Variants in FOXK1 observed in about 807,000 individuals in gnomAD.
FOXK1 encodes forkhead box protein K1.
Under a neutral mutation model 51.9 loss-of-function variants are expected in FOXK1, and 19 were observed. The observed-to-expected ratio is 0.37, with a 90% CI of 0.26 to 0.54. The LOEUF (loss-of-function observed/expected upper bound fraction) is 0.54. Among genes scored for constraint, FOXK1 ranks in the 20% least tolerant of loss-of-function variants. The pLI is 0.87. For synonymous variants in FOXK1, 537 were observed against 482.6 expected (o/e 1.11, Z -1.48); for missense variants, 870 against 1,032.7 (o/e 0.84, Z 2.16).
rs1269983014 is a variant in FOXK1, at chr7:4,730,892, C to T, written c.561-9946C>T. The stretch of plus-strand genomic sequence containing the variant: ...TTCAAAACCATTTCCTGAGGATGGG[C>T]GCGGTGGCTCACTCCTGCAATCCCA... On this transcript the variant is annotated intron_variant, in intron 1 of 8. Transcript: ENST00000328914. This position sits in a 1 kb window ranked among gnomAD's most constrained non-coding sequence, Gnocchi z 4.7. Among the ~76,000 whole-genome samples, 3 of 152,264 alleles carry T rather than the reference C, an allele frequency of 2.0e-5. No individual in the cohort carries two copies. The highest frequency in any genetic ancestry group is 1.9e-4 in the East Asian group (1 of 5,186).
rs138626434 is a variant in FOXK1 at position 4,715,019 on chromosome 7, A to G, written c.561-25819A>G. On this transcript the variant is annotated intron_variant, in intron 1 of 8. Coordinates refer to ENST00000328914, the MANE Select transcript of FOXK1 (RefSeq NM_001037165.2). This position sits in a 1 kb window ranked among gnomAD's most constrained non-coding sequence, Gnocchi z 4.5. ...TGGTACAGAACAGAAGCCACACACC[A>G]GCGACAATCAGAGGTTACATAGGCT... Among the ~76,000 whole-genome samples, 1 of 152,324 alleles carries G rather than the reference A, an allele frequency of 6.6e-6. No homozygotes were observed. The highest frequency in any genetic ancestry group is 1.9e-4 in the East Asian group (1 of 5,184).
rs112924495 is a variant in FOXK1, at chr7:4,756,687, C to T, written c.1051-307C>T. On this transcript the variant is annotated intron_variant, in intron 4 of 8. Transcript: ENST00000328914. The surrounding 1 kb of genome is among the most constrained non-coding windows in gnomAD (Gnocchi z 4.1). ...GGCTGAGGCAGGAGAATCCCTTGAA[C>T]CCGGGAGGCGGAACTTGCAGTGAGC... 1.4e-3 allele frequency among the ~76,000 whole-genome samples: 217 copies of T among 151,930 alleles called. No homozygotes were observed. Among genetic ancestry groups the T allele is most frequent in the African/African-American group, 4.8e-3 (198 of 41,472 alleles).
rs1780225966 is a variant in FOXK1 at position 4,715,779 on chromosome 7, AAGAGC to A, written c.561-25058_561-25054del. Reference sequence around the variant, plus strand: ...AGGTTCCCTCACAGCGAATCCACCGAAGAGCGCTCCCATCCACAGCCGGCTCTTTG... The same window carrying A: ...AGGTTCCCTCACAGCGAATCCACCGAGCTCCCATCCACAGCCGGCTCTTTG... On this transcript the variant is annotated intron_variant, in intron 1 of 8. Coordinates refer to ENST00000328914, the MANE Select transcript of FOXK1 (RefSeq NM_001037165.2). The surrounding 1 kb of genome is among the most constrained non-coding windows in gnomAD (Gnocchi z 4.5). Among the ~76,000 whole-genome samples, 1 of 152,162 alleles carries A rather than the reference AAGAGC, an allele frequency of 6.6e-6. No individual in the cohort carries two copies. The highest frequency in any genetic ancestry group is 2.4e-5 in the African/African-American group (1 of 41,436).
rs1780982316 is a variant in FOXK1 at position 4,764,497 on chromosome 7, C to G, written c.*2033C>G. ...TGCGCCCCGTTCCACACTTGTGTCG[C>G]CTGCTGTTGTCTGTGGGCCTTTTCT... On this transcript the variant is annotated 3_prime_UTR_variant, in exon 9 of 9. Coordinates refer to ENST00000328914, the MANE Select transcript of FOXK1 (RefSeq NM_001037165.2). 1 of 154,178 alleles carries G rather than the reference C, an allele frequency of 6.5e-6. No individual in the cohort carries two copies. Among genetic ancestry groups the G allele is most frequent in the South Asian group, 2.0e-4 (1 of 4,914 alleles). The allele number at this position is 154,178 out of a possible 1,614,324, so 9.6% of individuals were successfully genotyped here.
intron 1 of FOXK1, among the ~76,000 whole-genome samples, chr7:4,687,332 G>T (rs1449338066): frequency 1.3e-5 from 2 of 150,116 alleles, no homozygotes; most frequent in Admixed American, 6.6e-5. Context: ...TCACTCTGTT[G>T]CCCGGGCTGG....
In FOXK1 at chr7:4,683,794, C is replaced by G. The variant is rs1217414900; in HGVS notation, c.560+926C>G. ...GTCCTGGGGGACCCCAACACACTCA[C>G]CCAGGACAGTGGGAGGGTGTTGCTC... On this transcript the variant is annotated intron_variant, in intron 1 of 8. Coordinates refer to ENST00000328914, the MANE Select transcript of FOXK1 (RefSeq NM_001037165.2). This position sits in a 1 kb window ranked among gnomAD's most constrained non-coding sequence, Gnocchi z 4.5. Among the ~76,000 whole-genome samples, 1 of 152,210 alleles carries G rather than the reference C, an allele frequency of 6.6e-6. No individual in the cohort carries two copies. The highest frequency in any genetic ancestry group is 1.5e-5 in the Non-Finnish European group (1 of 68,028).
chr7:4,749,755 C>T lies in FOXK1; in HGVS notation c.747-4704C>T, dbSNP rs375835612. 4.6e-5 allele frequency among the ~76,000 whole-genome samples: 7 copies of T among 152,194 alleles called. No individual in the cohort carries two copies. Among genetic ancestry groups the T allele is most frequent in the East Asian group, 1.9e-4 (1 of 5,192 alleles). ...GGCATTGAGGGTGGACTGGAAGGAC[C>T]GCAGCCCTGTGCCCTGGGGAAGGCT... On this transcript the variant is annotated intron_variant, in intron 2 of 8. Transcript: ENST00000328914. The surrounding 1 kb of genome is among the most constrained non-coding windows in gnomAD (Gnocchi z 6.0).
intron 1 of FOXK1, among the ~76,000 whole-genome samples, chr7:4,685,368 C>T (rs1251957699): frequency 2.3e-4 from 35 of 151,548 alleles, no homozygotes; most frequent in Admixed American, 2.3e-3. Flanking sequence ...GCGCACAACA[C>T]CACGCCCAGC....
rs961781468 is a variant in FOXK1, at chr7:4,722,364, C to G, written c.561-18474C>G. ...ATTGTTGCCTCTTATGTACTTTGGTCGTTCGTATTTCCTAGGCTTAAAACC... is the reference window on the plus strand; with the variant it reads ...ATTGTTGCCTCTTATGTACTTTGGTGGTTCGTATTTCCTAGGCTTAAAACC... On this transcript the variant is annotated intron_variant, in intron 1 of 8. Coordinates refer to ENST00000328914, the MANE Select transcript of FOXK1 (RefSeq NM_001037165.2). This position sits in a 1 kb window ranked among gnomAD's most constrained non-coding sequence, Gnocchi z 5.1. Among the ~76,000 whole-genome samples, 7 of 152,220 alleles carry G rather than the reference C, an allele frequency of 4.6e-5. No individual in the cohort carries two copies. The highest frequency in any genetic ancestry group is 8.8e-5 in the Non-Finnish European group (6 of 68,046).
rs1272509016 is a variant in FOXK1 at position 4,759,368 on chromosome 7, T to TCGTGGCCAAGCC, written c.1477_1488dup (p.Lys493_Ala496dup). 5.6e-6 allele frequency: 9 copies of TCGTGGCCAAGCC among 1,602,476 alleles called. No homozygotes were observed. The highest frequency in any genetic ancestry group is 7.6e-6 in the Non-Finnish European group (9 of 1,179,312). On this transcript the variant is annotated inframe_insertion, in exon 7 of 9. Transcript: ENST00000328914. ...GCCGTGCCTCCCCGACCGTCCAGCCTCGTGGCCAAGCCCGTGGCCTACATG... is the reference window on the plus strand; with the variant it reads ...GCCGTGCCTCCCCGACCGTCCAGCCTCGTGGCCAAGCCCGTGGCCAAGCCCGTGGCCTACATG...
At chr7:4,692,891 A>G (rs1182558861) in intron 1 of FOXK1, among the ~76,000 whole-genome samples, 1 of 151,940 alleles carries the variant, frequency 6.6e-6, no homozygotes, top group African/African-American at 2.4e-5. Context: ...CAGACCAGCT[A>G]ATTTCTTTTA....
chr7:4,734,480 C>G lies in FOXK1; in HGVS notation c.561-6358C>G, dbSNP rs1214254254. 6.6e-6 allele frequency among the ~76,000 whole-genome samples: 1 copy of G among 152,208 alleles called. No individual in the cohort carries two copies. Among genetic ancestry groups the G allele is most frequent in the Non-Finnish European group, 1.5e-5 (1 of 68,032 alleles). On this transcript the variant is annotated intron_variant, in intron 1 of 8. Coordinates refer to ENST00000328914, the MANE Select transcript of FOXK1 (RefSeq NM_001037165.2). This position sits in a 1 kb window ranked among gnomAD's most constrained non-coding sequence, Gnocchi z 5.2. ...GTCTGCTTCCTCCTTGCCCCTCAAA[C>G]TCCTTTGCCTCAGTCCCTGTCTTCC...
At position 4,730,017 on chromosome 7, in the gene FOXK1, A is replaced by C. The variant is rs1369634690; in HGVS notation, c.561-10821A>C. 2.0e-5 allele frequency among the ~76,000 whole-genome samples: 3 copies of C among 152,148 alleles called. No individual in the cohort carries two copies. Among genetic ancestry groups the C allele is most frequent in the Non-Finnish European group, 4.4e-5 (3 of 68,022 alleles). On this transcript the variant is annotated intron_variant, in intron 1 of 8. Coordinates refer to ENST00000328914, the MANE Select transcript of FOXK1 (RefSeq NM_001037165.2). The surrounding 1 kb of genome is among the most constrained non-coding windows in gnomAD (Gnocchi z 4.7). ...CAATTTAAATAAAAAAAAGAAAAGG[A>C]AAAAGAAAGCCCGGCTTCGGTCAGA...
At position 4,768,118 on chromosome 7, in the gene FOXK1, CTTCTTTT is replaced by C. The variant is rs1781041500; in HGVS notation, c.*5657_*5663del. The C allele has an allele frequency of 8.8e-6, 1 of 113,298 alleles. No individual in the cohort carries two copies. Among genetic ancestry groups the C allele is most frequent in the African/African-American group, 4.0e-5 (1 of 25,274 alleles). The allele number at this position is 113,298 out of a possible 1,614,324, so 7.0% of individuals were successfully genotyped here. The stretch of plus-strand genomic sequence containing the variant: ...TTTAAAAACAGACCCATTTCACTGA[CTTCTTTT>C]TTTTTTTTTTTTTTTTTTTTTTTTT... On this transcript the variant is annotated 3_prime_UTR_variant, in exon 9 of 9. Transcript: ENST00000328914.
chr7:4,742,683 C>CT (rs1583205200), intron 2 of FOXK1, among the ~76,000 whole-genome samples: 1 of 152,190 alleles, frequency 6.6e-6, no homozygotes, highest in Non-Finnish European at 1.5e-5. Context: ...TCCCAAAGTG[C>CT]TGAGGTTACA....
Position 4,766,249 on chromosome 7 carries a change from C to A in FOXK1, c.*3785C>A, listed in dbSNP as rs1397362726. ...CGAGTGTGGCCTCATGGTTCTGCCG[C>A]GGCCCAGTCTTCTCCCACTGGCTTC... is the stretch of plus-strand genomic sequence containing the variant. On this transcript the variant is annotated 3_prime_UTR_variant, in exon 9 of 9. Transcript: ENST00000328914. The surrounding 1 kb of genome is among the most constrained non-coding windows in gnomAD (Gnocchi z 5.5). The A allele has an allele frequency of 6.6e-6, 1 of 152,222 alleles. No individual in the cohort carries two copies. The highest frequency in any genetic ancestry group is 2.4e-5 in the African/African-American group (1 of 41,438). The allele number at this position is 152,222 out of a possible 1,614,324, so 9.4% of individuals were successfully genotyped here.
In FOXK1 at chr7:4,683,989, C is replaced by A. The variant is rs1011746548; in HGVS notation, c.560+1121C>A. Among the ~76,000 whole-genome samples, 2 of 152,134 alleles carry A rather than the reference C, an allele frequency of 1.3e-5. No homozygotes were observed. The highest frequency in any genetic ancestry group is 1.5e-5 in the Non-Finnish European group (1 of 68,030). Reference sequence around the variant, plus strand: ...TTAGATTCCCCCGGGCCCGAGGTCACCAGGGCAGAGAGACCCAGCTGGGCC... The same window carrying A: ...TTAGATTCCCCCGGGCCCGAGGTCAACAGGGCAGAGAGACCCAGCTGGGCC... On this transcript the variant is annotated intron_variant, in intron 1 of 8. Transcript: ENST00000328914. The surrounding 1 kb of genome is among the most constrained non-coding windows in gnomAD (Gnocchi z 4.5).
In FOXK1 at chr7:4,749,724, GC is replaced by G. The variant is rs1418799469; in HGVS notation, c.747-4733del. Among the ~76,000 whole-genome samples, 1 of 152,238 alleles carries G rather than the reference GC, an allele frequency of 6.6e-6. No homozygotes were observed. Among genetic ancestry groups the G allele is most frequent in the Non-Finnish European group, 1.5e-5 (1 of 68,046 alleles). On this transcript the variant is annotated intron_variant, in intron 2 of 8. Coordinates refer to ENST00000328914, the MANE Select transcript of FOXK1 (RefSeq NM_001037165.2). The surrounding 1 kb of genome is among the most constrained non-coding windows in gnomAD (Gnocchi z 6.0). The stretch of plus-strand genomic sequence containing the variant: ...GTGGCCTTCTCAGCCTCAGAGCAGA[GC>G]CAAGGGCATTGAGGGTGGACTGGAA...
intron 1 of FOXK1, among the ~76,000 whole-genome samples, chr7:4,684,723 G>A (rs556849726): frequency 1.3e-5 from 2 of 152,094 alleles, no homozygotes; most frequent in African/African-American, 4.8e-5. Context: ...GGTTCACTAA[G>A]TACTTCCATT....
Sources: allele counts gnomAD v4.1 joint callset (sites outside exome capture counted in the v4.1 genomes callset), GRCh38; gene constraint gnomAD v4.1.1; non-coding constraint Gnocchi (gnomAD v3.1); transcripts MANE v1.5; gene names NCBI Gene and HGNC (gene_info 2026-07-23, HGNC 2026-07-21).